The following SPEN variants were observed in gnomAD, a reference collection of about 807,000 sequenced individuals.
The protein encoded by SPEN is msx2-interacting protein.
In SPEN, 18 loss-of-function variants were observed where a neutral mutation model predicts 269.9. The ratio of observed to expected loss-of-function variants is 0.07; its 90% CI spans 0.05 to 0.10. The LOEUF (loss-of-function observed/expected upper bound fraction) is 0.10. Ranked by LOEUF, SPEN falls within the 10% of genes least tolerant of loss-of-function variation. The pLI is 1.00. For synonymous variants in SPEN, 1,726 were observed against 1,765.7 expected (o/e 0.98, Z 0.56); for missense variants, 3,822 against 4,631.2 (o/e 0.83, Z 5.07).
rs1553177206 is a variant in SPEN, at chr1:15,894,536, G to GGTTTT, written c.882-14785_882-14784insGTTTT. Among the ~76,000 whole-genome samples, 52 of 100,412 alleles carry GGTTTT rather than the reference G, an allele frequency of 5.2e-4. 2 individuals carry two copies. Among genetic ancestry groups the GGTTTT allele is most frequent in the South Asian group, 2.1e-3 (6 of 2,848 alleles). The allele number at this position is 100,412 out of a possible 152,430, so 65.9% of individuals were successfully genotyped here. ...ATCCTAAAACTACCATATTATGGTT[G>GGTTTT]TTTTTTTTTTTTTTTTTTTTTTTGA... On this transcript the variant is annotated intron_variant, in intron 3 of 14. Transcript: ENST00000375759.
Position 15,937,671 on chromosome 1 carries a change from C to T in SPEN, c.10509+26C>T. ...GTAAGCATGAGCAGGGGCTGCCCTT[C>T]CTGGCCCCCAAGTTTTATGCCATGT... On this transcript the variant is annotated intron_variant, in intron 12 of 14. Transcript: ENST00000375759. This position sits in a 1 kb window ranked among gnomAD's most constrained non-coding sequence, Gnocchi z 5.7. 6.2e-7 allele frequency: 1 copy of T among 1,607,830 alleles called. No homozygotes were observed. The highest frequency in any genetic ancestry group is 8.5e-7 in the Non-Finnish European group (1 of 1,175,384).
At chr1:15,918,414 T>A (rs1246839020) in intron 6 of SPEN, among the ~76,000 whole-genome samples, 1 of 152,250 alleles carries the variant, frequency 6.6e-6, no homozygotes, top group Non-Finnish European at 1.5e-5. Flanking sequence ...AGACAGGTTT[T>A]CACCGTGTTG....
chr1:15,931,954 G>A lies in SPEN; in HGVS notation c.5714G>A (p.Arg1905Lys). 6.2e-7 allele frequency: 1 copy of A among 1,614,194 alleles called. No homozygotes were observed. The highest frequency in any genetic ancestry group is 1.1e-5 in the South Asian group (1 of 91,078). Residue 1905 changes from arginine to lysine, a missense_variant, in exon 11 of 15, where the codon AGG becomes AAG. By Grantham distance (26) the Arg-to-Lys change is conservative. Transcript: ENST00000375759. The surrounding 1 kb of genome is among the most constrained non-coding windows in gnomAD (Gnocchi z 4.8). ...PLSRTRRRNV[R>K]SVYATMGDHE... ...AGCCGAACAAGGCGCCGGAATGTAA[G>A]GAGCGTCTATGCAACCATGGGTGAC...
At chr1:15,913,258 C>A (rs2071026431) in intron 5 of SPEN, among the ~76,000 whole-genome samples, 1 of 152,150 alleles carries the variant, frequency 6.6e-6, no homozygotes, top group Admixed American at 6.5e-5. Context: ...TCTAAGATTT[C>A]TTTTCCCATA....
chr1:15,863,716 C>T (rs774129622), intron 1 of SPEN, among the ~76,000 whole-genome samples: 1 of 151,778 alleles, frequency 6.6e-6, no homozygotes, highest in Non-Finnish European at 1.5e-5. Context: ...TGGTGCCTGC[C>T]TGTAGTCCCA....
chr1:15,933,435 A>G lies in SPEN; in HGVS notation c.7195A>G (p.Thr2399Ala), dbSNP rs2071242685. 1 of 1,614,096 alleles carries G rather than the reference A, an allele frequency of 6.2e-7. No individual in the cohort carries two copies. The change falls in exon 11 of 15, where the codon ACT (threonine) becomes GCT (alanine). Residue 2399 changes from threonine to alanine, a missense_variant. This residue lies in a region of SPEN where 727 missense variants were observed against 737.9 expected (regional missense o/e 0.99). Transcript: ENST00000375759. This position sits in a 1 kb window ranked among gnomAD's most constrained non-coding sequence, Gnocchi z 5.7. The part of the protein sequence containing the change: ...KPHSTPPQSC[T>A]SDLSKIPSTE... ...CCATTCCACTCCTCCTCAGTCATGTACTTCTGACCTAAGCAAGATTCCCTC... is the reference window on the plus strand; with the variant it reads ...CCATTCCACTCCTCCTCAGTCATGTGCTTCTGACCTAAGCAAGATTCCCTC...
intron 6 of SPEN, chr1:15,918,014 C>A (rs747867953): frequency 6.6e-6 from 1 of 152,094 alleles, no homozygotes; most frequent in Non-Finnish European, 1.5e-5. Flanking sequence ...TTTGATTTGT[C>A]AAATTATTTT....
Position 15,940,279 on chromosome 1 carries a change from C to T in SPEN, c.*852C>T, listed in dbSNP as rs185918464. The T allele has an allele frequency of 1.1e-3, 265 of 233,084 alleles. No homozygotes were observed. The highest frequency in any genetic ancestry group is 4.8e-3 in the African/African-American group (216 of 45,378). The allele number at this position is 233,084 out of a possible 1,614,324, so 14.4% of individuals were successfully genotyped here. A position where few individuals can be genotyped will look rare whatever the true frequency, so the allele number is the denominator to read the frequency against. Reference sequence around the variant, plus strand: ...CGGTACAGCACGGGTCCTGCTCCCGCGATGTGGAAGTGTCACACGGCACCT... The same window carrying T: ...CGGTACAGCACGGGTCCTGCTCCCGTGATGTGGAAGTGTCACACGGCACCT... On this transcript the variant is annotated 3_prime_UTR_variant, in exon 15 of 15. Transcript: ENST00000375759.
rs1180952975 is a variant in SPEN at position 15,928,238 on chromosome 1, A to G, written c.1998A>G (p.Gly666=). The G allele has an allele frequency of 6.2e-7, 1 of 1,614,188 alleles. No homozygotes were observed. Among genetic ancestry groups the G allele is most frequent in the East Asian group, 2.2e-5 (1 of 44,880 alleles). Residue 666 remains glycine (G), a synonymous_variant, in exon 11 of 15, where the codon GGA becomes GGG. Coordinates refer to ENST00000375759, the MANE Select transcript of SPEN (RefSeq NM_015001.3). This position sits in a 1 kb window ranked among gnomAD's most constrained non-coding sequence, Gnocchi z 5.7. Reference sequence around the variant, plus strand: ...ATTCAGAATGGGAAACTTACCAAGGAGACTACTATGAATCACGATACTACG... The same window carrying G: ...ATTCAGAATGGGAAACTTACCAAGGGGACTACTATGAATCACGATACTACG... ...EFYSEWETYQ[G]DYYESRYYDD...
At position 15,932,885 on chromosome 1, in the gene SPEN, G is replaced by A; in HGVS notation, c.6645G>A (p.Leu2215=). The change falls in exon 11 of 15, where the codon CTG becomes CTA. Residue 2215 remains leucine (L), a synonymous_variant. Coordinates refer to ENST00000375759, the MANE Select transcript of SPEN (RefSeq NM_015001.3). This position sits in a 1 kb window ranked among gnomAD's most constrained non-coding sequence, Gnocchi z 4.2. ...CACACCAAGCAAGTGAAACAGAGCT[G>A]GCTGCGGCCATCGGCTCCATCATCA... ...KPAHQASETE[L]AAAIGSIIND... 6.2e-7 allele frequency: 1 copy of A among 1,614,250 alleles called. No individual in the cohort carries two copies. The highest frequency in any genetic ancestry group is 8.5e-7 in the Non-Finnish European group (1 of 1,180,044).
intron 1 of SPEN, among the ~76,000 whole-genome samples, chr1:15,872,204 C>G (rs921329078): frequency 1.4e-4 from 17 of 119,214 alleles, no homozygotes; most frequent in Admixed American, 1.1e-4. Flanking sequence ...GTCTGGGTGA[C>G]AGAGTGAGAC....
At chr1:15,919,381 G>A (rs372376313) in intron 7 of SPEN, 23 bp from the exon 8 acceptor site, 1 of 1,497,742 alleles carries the variant, frequency 6.7e-7, no homozygotes, top group Admixed American at 2.2e-5. Context: ...TTTACTAATA[G>A]AAATTTTGCC....
intron 3 of SPEN, among the ~76,000 whole-genome samples, chr1:15,890,433 T>C (rs2070777385): frequency 1.3e-5 from 2 of 151,990 alleles, no homozygotes; most frequent in African/African-American, 4.8e-5. Context: ...AGTTTCACCA[T>C]GTTGGCCAGG....
intron 3 of SPEN, among the ~76,000 whole-genome samples, chr1:15,888,111 A>G (rs1406478057): frequency 6.7e-6 from 1 of 149,720 alleles, no homozygotes; most frequent in Non-Finnish European, 1.5e-5. Flanking sequence ...TATTTTATTT[A>G]TTTGTCTTTT....
rs1481236093 is a variant in SPEN, at chr1:15,940,296, A to AC, written c.*870dup. The AC allele has an allele frequency of 1.3e-5, 3 of 233,042 alleles. No homozygotes were observed. Among genetic ancestry groups the AC allele is most frequent in the Non-Finnish European group, 1.7e-5 (2 of 117,756 alleles). 14.4% of individuals were successfully genotyped at this position (233,042 alleles called of 1,614,324 possible). A position where few individuals can be genotyped will look rare whatever the true frequency, so the allele number is the denominator to read the frequency against. On this transcript the variant is annotated 3_prime_UTR_variant, in exon 15 of 15. Transcript: ENST00000375759. Reference sequence around the variant, plus strand: ...TGCTCCCGCGATGTGGAAGTGTCACACGGCACCTGTACAAAAAGACTGGCT... The same window carrying AC: ...TGCTCCCGCGATGTGGAAGTGTCACACCGGCACCTGTACAAAAAGACTGGCT...
chr1:15,880,611 T>C (rs946756021), intron 3 of SPEN, among the ~76,000 whole-genome samples: 21 of 151,886 alleles, frequency 1.4e-4, no homozygotes. Flanking sequence ...ACTGCCACCA[T>C]GCCCGGCTAA....
chr1:15,891,878 A>G (rs997712655), intron 3 of SPEN, among the ~76,000 whole-genome samples: 4 of 151,196 alleles, frequency 2.6e-5, no homozygotes, highest in Non-Finnish European at 5.9e-5. Context: ...AAAAATATAC[A>G]CATCAAGTTC....
intron 1 of SPEN, among the ~76,000 whole-genome samples, chr1:15,869,457 C>T (rs57864956): frequency 1.3e-5 from 2 of 152,146 alleles, no homozygotes; most frequent in African/African-American, 4.8e-5. Context: ...AATGTTACTA[C>T]ATTAGTGCCC....
At position 15,928,970 on chromosome 1, in the gene SPEN, T is replaced by A; in HGVS notation, c.2730T>A (p.Ser910=). Residue 910 remains serine, a synonymous_variant, in exon 11 of 15, where the codon TCT becomes TCA. Coordinates refer to ENST00000375759, the MANE Select transcript of SPEN (RefSeq NM_015001.3). The surrounding 1 kb of genome is among the most constrained non-coding windows in gnomAD (Gnocchi z 5.7). ...AGCTTGATAATGACACTGTCAAATC[T>A]TCTGCCCTGGACCAGAAACTTCAGG... ...KAKLDNDTVK[S]SALDQKLQVS... is the part of the protein sequence containing the mutation. The A allele has an allele frequency of 6.2e-7, 1 of 1,614,236 alleles. No homozygotes were observed. The highest frequency in any genetic ancestry group is 1.3e-5 in the African/African-American group (1 of 75,060).
Sources: gnomAD v4.1 joint callset for allele counts (sites outside exome capture counted in the v4.1 genomes callset) on GRCh38, gnomAD v4.1.1 for gene constraint, gnomAD v4.1.1 regional missense constraint, Gnocchi (gnomAD v3.1) non-coding constraint, MANE v1.5 for transcripts, NCBI Gene and HGNC (gene_info 2026-07-23, HGNC 2026-07-21) for gene names.